The following TRPC4 variants were observed in gnomAD, a reference collection of about 807,000 sequenced individuals.
The protein encoded by TRPC4 is short transient receptor potential channel 4.
A neutral mutation model predicts 99.4 loss-of-function variants in TRPC4; 49 were observed. The observed-to-expected ratio is 0.49, with a 90% CI of 0.39 to 0.63. TRPC4 has a LOEUF of 0.63. TRPC4 is among the 20% of genes least tolerant of loss of function. TRPC4 has a pLI of 0.00. For synonymous variants in TRPC4, 454 were observed against 425.9 expected, an observed-to-expected ratio of 1.07 and a Z score of -0.81; for missense variants, 898 against 1,152.9, an observed-to-expected ratio of 0.78 and a Z score of 3.20.
intron 3 of TRPC4, among the ~76,000 whole-genome samples, chr13:37,712,250 C>G (rs1238568784): frequency 6.6e-6 from 1 of 152,078 alleles, no homozygotes; most frequent in Admixed American, 6.6e-5. Context: ...CTGATGATCC[C>G]CACACTGCTT....
rs770832629 is a variant in TRPC4, at chr13:37,663,643, G to A, written c.1461C>T (p.Phe487=). 10 of 1,614,018 alleles carry A rather than the reference G, an allele frequency of 6.2e-6. No homozygotes were observed. The Admixed American group carries it at 1.7e-4, about 27-fold the overall frequency. ...ACAGTGAGATCAGACGCAGAGAACT[G>A]AAGATGTTTGCAATAGCAAATAAAG... ...AEALFAIANI[F]SSLRLISLFT... The change falls in exon 6 of 11, where the codon TTC becomes TTT. Residue 487 remains phenylalanine, a synonymous_variant. Coordinates refer to ENST00000379705, the MANE Select transcript of TRPC4 (RefSeq NM_016179.4).
chr13:37,766,259 G>T (rs1261805340), intron 2 of TRPC4, among the ~76,000 whole-genome samples: 1 of 151,410 alleles, frequency 6.6e-6, no homozygotes, highest in Non-Finnish European at 1.5e-5. Context: ...AAGTAGGAAA[G>T]ATTTACATGG....
At chr13:37,773,709 T>C (rs536882869) in intron 2 of TRPC4, among the ~76,000 whole-genome samples, 140 of 151,874 alleles carry the variant, frequency 9.2e-4, no homozygotes, top group Non-Finnish European at 1.7e-3. Flanking sequence ...AAGATAACAA[T>C]CTAGAATGAT....
At chr13:37,834,147 G>A (rs2104326) in intron 1 of TRPC4, among the ~76,000 whole-genome samples, 37,479 of 151,886 alleles carry the variant, frequency 0.25, 4,927 homozygotes, top group African/African-American at 0.33. Flanking sequence ...CATAAATTTC[G>A]GCACATATTT....
chr13:37,750,842 C>T (rs1345686305), intron 2 of TRPC4, among the ~76,000 whole-genome samples: 1 of 151,982 alleles, frequency 6.6e-6, no homozygotes, highest in African/African-American at 2.4e-5. Flanking sequence ...TGTACCCCTC[C>T]CTGTGTCCAC....
chr13:37,681,930 G>T (rs1363446593), intron 4 of TRPC4, among the ~76,000 whole-genome samples: 4 of 152,158 alleles, frequency 2.6e-5, no homozygotes, highest in African/African-American at 7.2e-5. Flanking sequence ...GTAGATGTCT[G>T]GAAGTTTTTA....
chr13:37,864,280 G>A (rs1448634979), intron 1 of TRPC4, among the ~76,000 whole-genome samples: 2 of 151,480 alleles, frequency 1.3e-5, no homozygotes, highest in Non-Finnish European at 3.0e-5. Context: ...ATAGTGTAAT[G>A]GAACAAAAGC....
intron 3 of TRPC4, among the ~76,000 whole-genome samples, chr13:37,735,769 C>T (rs1955377671): frequency 6.6e-6 from 1 of 152,066 alleles, no homozygotes; most frequent in Admixed American, 6.6e-5. Flanking sequence ...TAAAGAGCTG[C>T]TTATGTACAT....
intron 3 of TRPC4, among the ~76,000 whole-genome samples, chr13:37,714,319 G>A (rs1281631147): frequency 2.0e-5 from 3 of 151,982 alleles, no homozygotes; most frequent in Admixed American, 6.6e-5. Context: ...TAGAGACAGG[G>A]TTTCACCACG....
intron 1 of TRPC4, among the ~76,000 whole-genome samples, chr13:37,817,447 G>C (rs1957889551): frequency 6.6e-6 from 1 of 151,962 alleles, no homozygotes; most frequent in Non-Finnish European, 1.5e-5. Flanking sequence ...TGGTGATATT[G>C]CCCAAAGCAA....
chr13:37,730,592 T>TAAACACACACAC (rs375328860), intron 3 of TRPC4, among the ~76,000 whole-genome samples: 1 of 150,604 alleles, frequency 6.6e-6, no homozygotes, highest in African/African-American at 2.4e-5. Flanking sequence ...TGTACACACA[T>TAAACACACACAC]ACACACACAC....
intron 1 of TRPC4, among the ~76,000 whole-genome samples, chr13:37,788,009 T>G (rs2139373071): frequency 6.6e-6 from 1 of 152,226 alleles, no homozygotes; most frequent in Admixed American, 6.6e-5. Flanking sequence ...TGTGCTGGAT[T>G]TTTACCTCAT....
chr13:37,825,281 G>A (rs956174290), intron 1 of TRPC4, among the ~76,000 whole-genome samples: 5 of 151,378 alleles, frequency 3.3e-5, no homozygotes, highest in Non-Finnish European at 5.9e-5. Context: ...CTTCAGGTCT[G>A]CTCTGATTTT....
intron 4 of TRPC4, among the ~76,000 whole-genome samples, chr13:37,677,092 GC>G (rs1374329769): frequency 6.6e-6 from 1 of 151,976 alleles, no homozygotes; most frequent in Non-Finnish European, 1.5e-5. Context: ...AGAATTACAA[GC>G]CTCCCGTCAT....
intron 1 of TRPC4, among the ~76,000 whole-genome samples, chr13:37,821,482 C>A (rs1024424770): frequency 6.6e-6 from 1 of 151,928 alleles, no homozygotes; most frequent in Admixed American, 6.6e-5. Context: ...CATATAGAAC[C>A]AAAGAAGAGT....
intron 1 of TRPC4, among the ~76,000 whole-genome samples, chr13:37,845,943 T>C (rs1304618639): frequency 6.6e-6 from 1 of 152,062 alleles, no homozygotes; most frequent in Non-Finnish European, 1.5e-5. Context: ...AAACATCACA[T>C]TCAGTGGAGG....
At chr13:37,853,337 G>T (rs1959105068) in intron 1 of TRPC4, among the ~76,000 whole-genome samples, 1 of 152,170 alleles carries the variant, frequency 6.6e-6, no homozygotes, top group Non-Finnish European at 1.5e-5. Flanking sequence ...AATTACTACA[G>T]ATCTTATTAA....
At chr13:37,665,767 T>G (rs948612702) in intron 5 of TRPC4, among the ~76,000 whole-genome samples, 9 of 150,604 alleles carry the variant, frequency 6.0e-5, no homozygotes, top group Non-Finnish European at 8.8e-5. Context: ...CATCATCACA[T>G]TATGACTAGG....
intron 1 of TRPC4, among the ~76,000 whole-genome samples, chr13:37,845,728 G>C (rs548280452): frequency 6.6e-6 from 1 of 151,932 alleles, no homozygotes; most frequent in Non-Finnish European, 1.5e-5. Flanking sequence ...AAAAGAAAGA[G>C]AAAAAAGCCT....
Sources: allele counts gnomAD v4.1 joint callset (sites outside exome capture counted in the v4.1 genomes callset), GRCh38; gene constraint gnomAD v4.1.1; transcripts MANE v1.5; gene names NCBI Gene and HGNC (gene_info 2026-07-23, HGNC 2026-07-21).